The following HS6ST3 variants were observed in gnomAD, a reference collection of about 807,000 sequenced individuals.
HS6ST3 encodes heparan sulfate 6-O-sulfotransferase 3.
Under a neutral mutation model 36.7 loss-of-function variants are expected in HS6ST3, and 12 were observed. The observed-to-expected ratio is 0.33, with a 90% confidence interval of 0.21 to 0.53. HS6ST3 has a LOEUF of 0.53. Ranked by LOEUF, HS6ST3 falls within the 20% of genes least tolerant of loss-of-function variation. The pLI, the probability that HS6ST3 is intolerant of heterozygous loss-of-function variation, is 0.95. For synonymous variants in HS6ST3, 240 were observed against 257.5 expected (o/e 0.93, Z 0.65); for missense variants, 584 against 640.9 (o/e 0.91, Z 0.96).
chr13:96,237,357 CCTCTTCCTT>C lies in HS6ST3; in HGVS notation c.707+145801_707+145809del, dbSNP rs1443770345. ...CAATAGGGAAAATATCCCTCCTCTT[CCTCTTCCTT>C]CTCTTCCTTCTCCTCCCCCTTCTAT... On this transcript the variant is annotated intron_variant, in intron 1 of 1. Transcript: ENST00000376705. Among the ~76,000 whole-genome samples the C allele has an allele frequency of 1.1e-4, 16 of 152,126 alleles. No homozygotes were observed. The South Asian group carries it at 3.1e-3, about 30-fold the overall frequency.
intron 1 of HS6ST3, among the ~76,000 whole-genome samples, chr13:96,438,625 T>C (rs770668376): frequency 3.0e-4 from 46 of 152,214 alleles, no homozygotes; most frequent in Non-Finnish European, 6.0e-4. Flanking sequence ...TCAGTCAAAA[T>C]GTACTGAGTT....
chr13:96,617,625 GT>G (rs2056479191), intron 1 of HS6ST3, among the ~76,000 whole-genome samples: 1 of 152,208 alleles, frequency 6.6e-6, no homozygotes, highest in Admixed American at 6.5e-5. Flanking sequence ...TATACTTACT[GT>G]GGTTTCATTC....
chr13:96,830,040 A>G (rs1465383313), intron 1 of HS6ST3, among the ~76,000 whole-genome samples: 1 of 149,234 alleles, frequency 6.7e-6, no homozygotes, highest in African/African-American at 2.5e-5. Flanking sequence ...TTGAGTACCC[A>G]TACAACCATT....
At chr13:96,169,567 A>G (rs1441609698) in intron 1 of HS6ST3, 1 of 152,410 alleles carries the variant, frequency 6.6e-6, no homozygotes, top group African/African-American at 2.4e-5. Context: ...GTGGGGAGCC[A>G]GGCACCTGTA....
At position 96,091,219 on chromosome 13, in the gene HS6ST3, C is replaced by T. The variant is rs2053762095; in HGVS notation, c.357C>T (p.Ser119=). The T allele has an allele frequency of 6.3e-7, 1 of 1,575,412 alleles. No homozygotes were observed. The highest frequency in any genetic ancestry group is 8.6e-7 in the Non-Finnish European group (1 of 1,160,022). Residue 119 remains serine, a synonymous_variant, in exon 1 of 2, where the codon TCC becomes TCT. Transcript: ENST00000376705. ...EPDPEAPENG[S]LPRFVPRFNF... ...ACCCCGAGGCCCCGGAAAACGGCTC[C>T]CTGCCCCGATTCGTGCCGCGCTTCA... is the stretch of plus-strand genomic sequence containing the variant.
At chr13:96,782,347 C>A (rs1458930725) in intron 1 of HS6ST3, among the ~76,000 whole-genome samples, 3 of 152,170 alleles carry the variant, frequency 2.0e-5, no homozygotes, top group African/African-American at 7.2e-5. Context: ...CAGACCAGTG[C>A]TAAGTAAGAT....
At chr13:96,739,207 A>G (rs1334269201) in intron 1 of HS6ST3, among the ~76,000 whole-genome samples, 1 of 145,004 alleles carries the variant, frequency 6.9e-6, no homozygotes. Flanking sequence ...TCTGTTCTCT[A>G]TCGACATTTG....
At chr13:96,781,810 C>T (rs980281314) in intron 1 of HS6ST3, among the ~76,000 whole-genome samples, 2 of 152,078 alleles carry the variant, frequency 1.3e-5, no homozygotes, top group African/African-American at 4.8e-5. Context: ...AAGAGATGAT[C>T]ATGTTTAGCT....
intron 1 of HS6ST3, among the ~76,000 whole-genome samples, chr13:96,797,282 G>T (rs1234736012): frequency 6.6e-6 from 1 of 152,046 alleles, no homozygotes; most frequent in South Asian, 2.1e-4. Flanking sequence ...ACTGATACAG[G>T]CACCATCTGA....
chr13:96,505,262 G>A (rs879680051), intron 1 of HS6ST3, among the ~76,000 whole-genome samples: 1 of 152,120 alleles, frequency 6.6e-6, no homozygotes, highest in South Asian at 2.1e-4. Flanking sequence ...ATATGAACAG[G>A]CAGTCTTCCA....
chr13:96,114,279 G>T (rs1440215792), intron 1 of HS6ST3, among the ~76,000 whole-genome samples: 1 of 152,028 alleles, frequency 6.6e-6, no homozygotes, highest in African/African-American at 2.4e-5. Flanking sequence ...AGTCACCTGA[G>T]TAGCTTGGGC....
At chr13:96,827,287 G>A (rs964996705) in intron 1 of HS6ST3, among the ~76,000 whole-genome samples, 1 of 152,298 alleles carries the variant, frequency 6.6e-6, no homozygotes, top group Non-Finnish European at 1.5e-5. Flanking sequence ...CAGATTGAAG[G>A]TGGGGGCATA....
chr13:96,466,969 T>G (rs1174451013), intron 1 of HS6ST3, among the ~76,000 whole-genome samples: 1 of 152,246 alleles, frequency 6.6e-6, no homozygotes, highest in Non-Finnish European at 1.5e-5. Flanking sequence ...TGTTAAAAGT[T>G]AGAAAATTAT....
chr13:96,147,910 T>A (rs2054065934), intron 1 of HS6ST3, among the ~76,000 whole-genome samples: 1 of 152,232 alleles, frequency 6.6e-6, no homozygotes. Context: ...CCATATGTGT[T>A]ATTGCTTGTT....
intron 1 of HS6ST3, 147 bp downstream of exon 1, chr13:96,091,716 T>TA: frequency 9.2e-7 from 1 of 1,086,210 alleles, no homozygotes; most frequent in Admixed American, 2.8e-5. Flanking sequence ...TGGGGAGGGA[T>TA]GAGAAACCTC....
intron 1 of HS6ST3, among the ~76,000 whole-genome samples, chr13:96,163,146 A>G (rs2050602304): frequency 1.3e-5 from 2 of 149,022 alleles, no homozygotes; most frequent in South Asian, 4.3e-4. Flanking sequence ...TGCTGCTTTT[A>G]TGAGGCAGTG....
At chr13:96,408,889 A>C (rs2055492470) in intron 1 of HS6ST3, among the ~76,000 whole-genome samples, 1 of 152,134 alleles carries the variant, frequency 6.6e-6, no homozygotes, top group Non-Finnish European at 1.5e-5. Context: ...GTGCCACTGC[A>C]CTCCAGCTTT....
intron 1 of HS6ST3, among the ~76,000 whole-genome samples, chr13:96,761,255 A>G (rs1042225638): frequency 2.6e-5 from 4 of 151,894 alleles, no homozygotes; most frequent in Middle Eastern, 3.2e-3. Context: ...TTGGGGTCCA[A>G]TGGTCCAGCT....
At chr13:96,346,942 T>A (rs1170705399) in intron 1 of HS6ST3, among the ~76,000 whole-genome samples, 1 of 152,128 alleles carries the variant, frequency 6.6e-6, no homozygotes. Context: ...CTTTGATGAA[T>A]CAAGCTGTCA....
Sources: allele counts gnomAD v4.1 joint callset (sites outside exome capture counted in the v4.1 genomes callset), GRCh38; gene constraint gnomAD v4.1.1; transcripts MANE v1.5; gene names NCBI Gene and HGNC (gene_info 2026-07-23, HGNC 2026-07-21).